SENP7: variants seen among roughly 807,000 people sequenced by gnomAD.
The protein encoded by SENP7 is sentrin-specific protease 7.
Under a neutral mutation model 141.2 loss-of-function variants are expected in SENP7, and 64 were observed. That is an observed-to-expected ratio of 0.45 (90% CI 0.37 to 0.56). SENP7 has a LOEUF of 0.56. Ranked by LOEUF, SENP7 falls within the 20% of genes least tolerant of loss-of-function variation. The pLI, the probability that SENP7 is intolerant of heterozygous loss-of-function variation, is 0.00. For synonymous variants in SENP7, 382 were observed against 426.4 expected (o/e 0.90, Z 1.28); for missense variants, 1,025 against 1,212.2 (o/e 0.85, Z 2.29).
chr3:101,327,568 G>A lies in SENP7; in HGVS notation c.3015+98C>T, dbSNP rs1439658369. The A allele has an allele frequency of 2.8e-5, 24 of 860,078 alleles. No individual in the cohort carries two copies. The South Asian group carries it at 4.2e-4, about 15-fold the overall frequency. The allele number at this position is 860,078 out of a possible 1,614,324, so 53.3% of individuals were successfully genotyped here. On this transcript the variant is annotated intron_variant, in intron 23 of 23. Coordinates refer to ENST00000394095, the MANE Select transcript of SENP7 (RefSeq NM_020654.5). ...TTATAAATTACCCAGTCTTGGGTAT[G>A]TCTTTATTAGCAGCATGAGAACGGA...
In SENP7 at chr3:101,480,469, C is replaced by G. The variant is rs1026432847; in HGVS notation, c.186+13404G>C. On this transcript the variant is annotated intron_variant, in intron 3 of 23. Transcript: ENST00000394095. The stretch of plus-strand genomic sequence containing the variant: ...GTGCTGAGAAAACAGGATATCCATA[C>G]GCAGAAAAATAAAACCAGACCCCTA... Among the ~76,000 whole-genome samples, 9 of 152,026 alleles carry G rather than the reference C, an allele frequency of 5.9e-5. No individual in the cohort carries two copies. In the South Asian group the frequency reaches 8.3e-4, roughly 14 times the overall value.
At chr3:101,404,138 C>T (rs2061232608) in intron 5 of SENP7, among the ~76,000 whole-genome samples, 1 of 152,012 alleles carries the variant, frequency 6.6e-6, no homozygotes, top group South Asian at 2.1e-4. Context: ...AAGAAGAAAA[C>T]TGGAAGAATC....
chr3:101,357,969 C>T lies in SENP7; in HGVS notation c.1623+3746G>A, dbSNP rs143195172. On this transcript the variant is annotated intron_variant, in intron 11 of 23. Transcript: ENST00000394095. The stretch of plus-strand genomic sequence containing the variant: ...GGCAAAGCTTTTAACCACCCCTCAC[C>T]CCTTTTTTCACATAAGAAAATTCTT... The T allele has an allele frequency of 1.0e-3, 676 of 651,304 alleles. 3 individuals carry two copies. The highest frequency in any genetic ancestry group is 0.01 in the African/African-American group (551 of 54,292). The allele number at this position is 651,304 out of a possible 1,614,324, so 40.3% of individuals were successfully genotyped here.
Position 101,332,829 on chromosome 3 carries a change from T to C in SENP7, c.2514A>G (p.Thr838=), listed in dbSNP as rs748303320. Residue 838 remains threonine (T), a synonymous_variant, in exon 18 of 24, where the codon ACA becomes ACG. Transcript: ENST00000394095. The part of the protein sequence containing the change: ...MAQRRHKRVR[T]WTRHINIFNK... ...TAAAAATGTTTATGTGACGAGTCCATGTTCTTACTCTTTTATGTCTTCTCT... is the reference window on the plus strand; with the variant it reads ...TAAAAATGTTTATGTGACGAGTCCACGTTCTTACTCTTTTATGTCTTCTCT... The C allele has an allele frequency of 1.2e-5, 19 of 1,577,136 alleles. No homozygotes were observed. The Admixed American group carries it at 2.8e-4, about 23-fold the overall frequency.
chr3:101,430,081 C>T (rs149065007), intron 4 of SENP7, among the ~76,000 whole-genome samples: 10 of 152,070 alleles, frequency 6.6e-5, no homozygotes, highest in African/African-American at 1.9e-4. Flanking sequence ...CTGCTGGATT[C>T]GGTTTGCCCA....
In SENP7 at chr3:101,424,452, G is replaced by C. The variant is rs1382179372; in HGVS notation, c.285-6662C>G. On this transcript the variant is annotated intron_variant, in intron 4 of 23. Coordinates refer to ENST00000394095, the MANE Select transcript of SENP7 (RefSeq NM_020654.5). ...TGCAGTCCACCCCGCTCCCACAACT[G>C]ACCACCATTGCAGTGCAAACCATGG... Among the ~76,000 whole-genome samples the C allele has an allele frequency of 5.3e-5, 8 of 152,124 alleles. 1 individual carries two copies. Among genetic ancestry groups the C allele is most frequent in the African/African-American group, 1.7e-4 (7 of 41,512 alleles).
Position 101,424,489 on chromosome 3 carries a change from C to A in SENP7, c.285-6699G>T, listed in dbSNP as rs575152383. ...AGTGCAAACCATGGCGAGCACAAAG[C>A]CAGCCAGCCTTGCCCCTGGAAGTAC... On this transcript the variant is annotated intron_variant, in intron 4 of 23. Transcript: ENST00000394095. 1.7e-4 allele frequency among the ~76,000 whole-genome samples: 26 copies of A among 152,214 alleles called. 1 individual carries two copies. The highest frequency in any genetic ancestry group is 3.4e-3 in the Middle Eastern group (1 of 294).
intron 6 of SENP7, among the ~76,000 whole-genome samples, chr3:101,373,144 T>G (rs1264294592): frequency 3.9e-5 from 6 of 152,080 alleles, no homozygotes; most frequent in Non-Finnish European, 7.4e-5. Flanking sequence ...AAGAAAGGGT[T>G]ATTGCTGCTA....
chr3:101,400,019 C>T lies in SENP7; in HGVS notation c.483-964G>A, dbSNP rs191158238. On this transcript the variant is annotated intron_variant, in intron 5 of 23. Coordinates refer to ENST00000394095, the MANE Select transcript of SENP7 (RefSeq NM_020654.5). ...GATATCTTCTTAAACAGAAGATGTA[C>T]ATTTGATATATAAAGAAGTACATTT... 1.8e-3 allele frequency among the ~76,000 whole-genome samples: 269 copies of T among 152,228 alleles called. 1 individual carries two copies. Among genetic ancestry groups the T allele is most frequent in the Middle Eastern group, 3.4e-3 (1 of 294 alleles).
At chr3:101,457,600 G>A in intron 4 of SENP7, 2 of 1,580,012 alleles carry the variant, frequency 1.3e-6, no homozygotes, top group East Asian at 2.2e-5. Flanking sequence ...GAGAACTGAA[G>A]TTTTTTATCA....
intron 11 of SENP7, chr3:101,358,665 G>A (rs1471360396): frequency 6.0e-6 from 1 of 165,460 alleles, no homozygotes; most frequent in Non-Finnish European, 1.3e-5. Context: ...ACAGAGTTTT[G>A]CTCTTATCAC....
At chr3:101,479,495 A>G (rs573997419) in intron 3 of SENP7, among the ~76,000 whole-genome samples, 4 of 152,210 alleles carry the variant, frequency 2.6e-5, no homozygotes, top group African/African-American at 9.6e-5. Flanking sequence ...AGTCCCAGCT[A>G]CTTGAGAGGC....
Position 101,332,075 on chromosome 3 carries a change from A to G in SENP7, c.2608T>C (p.Trp870Arg), listed in dbSNP as rs1239664271. Residue 870 changes from tryptophan to arginine, a missense_variant, in exon 19 of 24, where the codon TGG becomes CGG. Physicochemically the swap from Trp to Arg is moderately radical, Grantham distance 101. This residue lies in a region of SENP7 where 295 missense variants were observed against 459.1 expected (regional missense o/e 0.64). Transcript: ENST00000394095. ...TCTTCATACACAGCTTCTTCTAACC[A>G]TGGAAAACAAATGACTGCGAGATAC... ...HWYLAVICFP[W>R]LEEAVYEDFP... is the part of the protein sequence containing the mutation. 2.5e-6 allele frequency: 4 copies of G among 1,613,352 alleles called. No homozygotes were observed. The highest frequency in any genetic ancestry group is 2.2e-5 in the East Asian group (1 of 44,800).
chr3:101,498,378 A>C (rs2065241194), intron 2 of SENP7, among the ~76,000 whole-genome samples: 1 of 152,204 alleles, frequency 6.6e-6, no homozygotes, highest in Non-Finnish European at 1.5e-5. Flanking sequence ...AAGATATATC[A>C]CTATCATGTA....
At chr3:101,505,927 T>C (rs1167697160) in intron 1 of SENP7, among the ~76,000 whole-genome samples, 1 of 152,066 alleles carries the variant, frequency 6.6e-6, no homozygotes, top group Non-Finnish European at 1.5e-5. Flanking sequence ...CATTAGCATA[T>C]AGGAAAATCT....
chr3:101,414,335 G>C, intron 5 of SENP7: 1 of 771,864 alleles, frequency 1.3e-6, no homozygotes, highest in Non-Finnish European at 2.4e-6. Context: ...ACCAGCTGCT[G>C]TGAGGACAGC....
chr3:101,447,786 GAAAA>G (rs139130488), intron 4 of SENP7, among the ~76,000 whole-genome samples: 1 of 148,624 alleles, frequency 6.7e-6, no homozygotes. Context: ...AAAAAATCTT[GAAAA>G]AAAAATAGCA....
chr3:101,471,166 G>A (rs1038083917), intron 3 of SENP7, among the ~76,000 whole-genome samples: 4 of 151,954 alleles, frequency 2.6e-5, no homozygotes, highest in African/African-American at 7.3e-5. Context: ...AAGTTCATAC[G>A]GAACCAAAAA....
chr3:101,512,624 A>G (rs972087767), intron 1 of SENP7, among the ~76,000 whole-genome samples: 4 of 152,148 alleles, frequency 2.6e-5, no homozygotes, highest in Non-Finnish European at 4.4e-5. Flanking sequence ...CGCAAGCCCC[A>G]CCTTTCCTCC....
Sources: gnomAD v4.1 joint callset for allele counts (sites outside exome capture counted in the v4.1 genomes callset) on GRCh38, gnomAD v4.1.1 for gene constraint, gnomAD v4.1.1 regional missense constraint, MANE v1.5 for transcripts, NCBI Gene and HGNC (gene_info 2026-07-23, HGNC 2026-07-21) for gene names.